The following OSBPL8 variants were observed in gnomAD, a reference collection of about 807,000 sequenced individuals.
OSBPL8 encodes the protein oxysterol binding protein like 8.
In OSBPL8, 59 loss-of-function variants were observed where a neutral mutation model predicts 125.5. The ratio of observed to expected loss-of-function variants is 0.47; its 90% CI spans 0.38 to 0.58. The LOEUF (loss-of-function observed/expected upper bound fraction) is 0.58, where lower values mean the gene tolerates loss of function less well. Ranked by LOEUF, OSBPL8 falls within the 20% of genes least tolerant of loss-of-function variation. The pLI is 0.00. For missense variants in OSBPL8, 758 were observed against 1,047.8 expected (o/e 0.72, Z 3.82); for synonymous variants, 330 against 338.9 (o/e 0.97, Z 0.29).
chr12:76,514,618 G>A (rs1881350173), intron 1 of OSBPL8, among the ~76,000 whole-genome samples: 1 of 152,118 alleles, frequency 6.6e-6, no homozygotes, highest in Non-Finnish European at 1.5e-5. Context: ...AAAATCTGAT[G>A]ATTATGTGTC....
chr12:76,492,183 C>T (rs1878788271), intron 1 of OSBPL8, among the ~76,000 whole-genome samples: 1 of 152,034 alleles, frequency 6.6e-6, no homozygotes, highest in Non-Finnish European at 1.5e-5. Context: ...TAGTAGGTGT[C>T]ATTGAAAAGG....
intron 4 of OSBPL8, chr12:76,422,777 C>A (rs769993513): frequency 6.2e-6 from 2 of 320,686 alleles, no homozygotes; most frequent in Non-Finnish European, 1.3e-5. Context: ...AGAACACACA[C>A]ATTTAACAGC....
chr12:76,443,507 GTCT>G (rs1201758011), intron 4 of OSBPL8, among the ~76,000 whole-genome samples: 19 of 152,124 alleles, frequency 1.2e-4, no homozygotes, highest in Admixed American at 9.2e-4. Flanking sequence ...CTACATTTCT[GTCT>G]TCTTTTTCAT....
chr12:76,548,920 C>A (rs776334949), intron 1 of OSBPL8, among the ~76,000 whole-genome samples: 1 of 151,598 alleles, frequency 6.6e-6, no homozygotes, highest in Non-Finnish European at 1.5e-5. Flanking sequence ...AAAAACTGAC[C>A]GGAGGAGAAA....
Position 76,358,825 on chromosome 12 carries a change from T to A in OSBPL8, c.2329-14A>T, listed in dbSNP as rs752531066. On this transcript the variant is annotated splice_polypyrimidine_tract_variant and intron_variant, in intron 21 of 23. Transcript: ENST00000261183. The stretch of plus-strand genomic sequence containing the variant: ...GGGGACGCTAACCTAAAGAAAAAAA[T>A]AACTATTTTGTGAATTTGCACTGTA... 5.6e-6 allele frequency: 9 copies of A among 1,604,828 alleles called. 1 individual carries two copies. The South Asian group carries it at 9.9e-5, about 18-fold the overall frequency.
At chr12:76,532,969 C>T (rs1417388396) in intron 1 of OSBPL8, among the ~76,000 whole-genome samples, 3 of 152,102 alleles carry the variant, frequency 2.0e-5, no homozygotes, top group Admixed American at 2.0e-4. Context: ...TTAAGTTACC[C>T]AAACCTTTCT....
intron 1 of OSBPL8, among the ~76,000 whole-genome samples, chr12:76,493,872 T>C (rs1466037567): frequency 1.3e-5 from 2 of 152,178 alleles, no homozygotes; most frequent in African/African-American, 4.8e-5. Context: ...TGTAGGCTTT[T>C]CACTCCTTTT....
At chr12:76,485,413 A>C (rs1878023099) in intron 2 of OSBPL8, among the ~76,000 whole-genome samples, 1 of 152,060 alleles carries the variant, frequency 6.6e-6, no homozygotes, top group Admixed American at 6.5e-5. Context: ...CCCTACTACA[A>C]ATACAAAAAA....
intron 2 of OSBPL8, among the ~76,000 whole-genome samples, chr12:76,469,996 T>C (rs2136909031): frequency 6.6e-6 from 1 of 152,348 alleles, no homozygotes; most frequent in Admixed American, 6.5e-5. Flanking sequence ...AAGAATTCCC[T>C]CATTCTTTTC....
chr12:76,399,685 A>C (rs781341664), intron 7 of OSBPL8, among the ~76,000 whole-genome samples, 188 bp downstream of exon 7: 21 of 152,234 alleles, frequency 1.4e-4, no homozygotes, highest in Non-Finnish European at 2.1e-4. Context: ...GAAAGACATT[A>C]AGATTCCTTC....
chr12:76,535,090 A>G (rs142759677), intron 1 of OSBPL8, among the ~76,000 whole-genome samples: 150 of 152,218 alleles, frequency 9.9e-4, no homozygotes, highest in African/African-American at 3.2e-3. Flanking sequence ...AATTCTTAAG[A>G]TATGCAAAAA....
At chr12:76,382,398 C>A (rs192429879) in intron 15 of OSBPL8, among the ~76,000 whole-genome samples, 6 of 151,914 alleles carry the variant, frequency 3.9e-5, no homozygotes, top group Non-Finnish European at 7.4e-5. Flanking sequence ...AATGGTAGCA[C>A]TACTGACATT....
intron 1 of OSBPL8, among the ~76,000 whole-genome samples, chr12:76,558,861 G>A (rs1224297062): frequency 6.6e-6 from 1 of 152,194 alleles, no homozygotes; most frequent in African/African-American, 2.4e-5. Context: ...TAAAAGCACA[G>A]CAAAGGCTTG....
At chr12:76,499,860 A>G (rs1173752394) in intron 1 of OSBPL8, among the ~76,000 whole-genome samples, 1 of 152,046 alleles carries the variant, frequency 6.6e-6, no homozygotes, top group Non-Finnish European at 1.5e-5. Context: ...CTCAAAAAAA[A>G]AAAAATTTGT....
intron 20 of OSBPL8, 44 bp downstream of exon 20, chr12:76,369,593 C>T (rs1952544042): frequency 6.5e-7 from 1 of 1,532,062 alleles, no homozygotes; most frequent in East Asian, 2.3e-5. Flanking sequence ...GGCAACAAAC[C>T]ATGCTAATAC....
At chr12:76,451,050 T>C in intron 3 of OSBPL8, 62 bp from the exon 4 acceptor site, 2 of 1,516,614 alleles carry the variant, frequency 1.3e-6, no homozygotes, top group South Asian at 1.3e-5. Context: ...ATAGTATAGT[T>C]AATAACATGG....
chr12:76,432,088 T>A (rs1035648012), intron 4 of OSBPL8, among the ~76,000 whole-genome samples: 5 of 152,110 alleles, frequency 3.3e-5, no homozygotes, highest in Non-Finnish European at 7.3e-5. Context: ...CTACTTACTG[T>A]TAAGTAATCG....
chr12:76,411,116 G>GTGTTTT (rs1346893252), intron 4 of OSBPL8, among the ~76,000 whole-genome samples: 3 of 152,128 alleles, frequency 2.0e-5, no homozygotes, highest in African/African-American at 7.2e-5. Flanking sequence ...ACTTAGCATA[G>GTGTTTT]TGTTTTTGCA....
chr12:76,405,122 G>A (rs1954202561), intron 5 of OSBPL8, among the ~76,000 whole-genome samples: 1 of 152,034 alleles, frequency 6.6e-6, no homozygotes, highest in South Asian at 2.1e-4. Flanking sequence ...TTTTAAAACT[G>A]TTCATATGGT....
Sources: allele counts gnomAD v4.1 joint callset (sites outside exome capture counted in the v4.1 genomes callset), GRCh38; gene constraint gnomAD v4.1.1; transcripts MANE v1.5; gene names NCBI Gene and HGNC (gene_info 2026-07-23, HGNC 2026-07-21).